The following GRIN2B variants were observed in gnomAD, a reference collection of about 807,000 sequenced individuals.
GRIN2B encodes the protein glutamate receptor ionotropic, NMDA 2B.
In GRIN2B, 5 loss-of-function variants were observed where a neutral mutation model predicts 114.5. That is an observed-to-expected ratio of 0.04 (90% CI 0.02 to 0.09). The LOEUF is 0.09. Among genes scored for constraint, GRIN2B ranks in the 10% least tolerant of loss-of-function variants. GRIN2B has a pLI of 1.00. For synonymous variants in GRIN2B, 787 were observed against 745.1 expected (o/e 1.06, Z -0.92); for missense variants, 1,108 against 1,943.5 (o/e 0.57, Z 8.08).
At chr12:13,613,868 T>C (rs1949398152) in intron 8 of GRIN2B, among the ~76,000 whole-genome samples, 1 of 152,148 alleles carries the variant, frequency 6.6e-6, no homozygotes, top group Non-Finnish European at 1.5e-5. Flanking sequence ...AAACACACCC[T>C]GCCTGACATT....
At chr12:13,647,841 T>C (rs1949775900) in intron 5 of GRIN2B, among the ~76,000 whole-genome samples, 1 of 152,100 alleles carries the variant, frequency 6.6e-6, no homozygotes, top group South Asian at 2.1e-4. Flanking sequence ...CTAGGGCCTA[T>C]GAATAAGGTT....
intron 2 of GRIN2B, among the ~76,000 whole-genome samples, chr12:13,976,669 T>C (rs954048196): frequency 2.0e-5 from 3 of 152,188 alleles, no homozygotes; most frequent in Admixed American, 1.3e-4. Flanking sequence ...TCTCCTTTTA[T>C]AGTCCATCAA....
chr12:13,656,431 T>G (rs1949864488), intron 5 of GRIN2B, among the ~76,000 whole-genome samples: 1 of 152,220 alleles, frequency 6.6e-6, no homozygotes, highest in Admixed American at 6.5e-5. Context: ...CAGTTCAGCC[T>G]GACTCGAATC....
intron 2 of GRIN2B, among the ~76,000 whole-genome samples, chr12:13,961,861 AG>A (rs1159292885): frequency 1.3e-5 from 2 of 152,132 alleles, no homozygotes; most frequent in African/African-American, 4.8e-5. Context: ...AGCACGGCTC[AG>A]GCACATATGA....
intron 10 of GRIN2B, among the ~76,000 whole-genome samples, chr12:13,574,501 C>T (rs984813629): frequency 6.6e-6 from 1 of 152,104 alleles, no homozygotes; most frequent in African/African-American, 2.4e-5. Context: ...GCAATCATGT[C>T]CAATACAATT....
chr12:13,774,261 T>G (rs902270820), intron 3 of GRIN2B, among the ~76,000 whole-genome samples: 5 of 152,208 alleles, frequency 3.3e-5, no homozygotes, highest in African/African-American at 1.2e-4. Flanking sequence ...AAGATAAAGA[T>G]AGAACCACTT....
chr12:13,745,748 C>T (rs142785741), intron 4 of GRIN2B, among the ~76,000 whole-genome samples: 2,542 of 152,316 alleles, frequency 0.017, 43 homozygotes, highest in Middle Eastern at 0.048. Flanking sequence ...TTCTTTAAAG[C>T]TTCCTTAATG....
At chr12:13,850,499 C>T (rs919482222) in intron 3 of GRIN2B, among the ~76,000 whole-genome samples, 1 of 152,152 alleles carries the variant, frequency 6.6e-6, no homozygotes, top group East Asian at 1.9e-4. Flanking sequence ...CTCCCAGGCC[C>T]CATCAGACTG....
intron 4 of GRIN2B, among the ~76,000 whole-genome samples, chr12:13,728,010 A>G (rs1160044189): frequency 2.0e-5 from 3 of 152,162 alleles, no homozygotes; most frequent in Non-Finnish European, 4.4e-5. Context: ...TGTAAAACTG[A>G]TCACATGTGG....
Position 13,616,663 on chromosome 12 carries a change from CA to C in GRIN2B, c.1126-7del, listed in dbSNP as rs774388082. The C allele has an allele frequency of 8.7e-6, 14 of 1,606,648 alleles. No homozygotes were observed. The African/African-American group carries it at 1.9e-4, about 22-fold the overall frequency. On this transcript the variant is annotated splice_polypyrimidine_tract_variant and splice_region_variant and intron_variant, in intron 5 of 13. Coordinates refer to ENST00000609686, the MANE Select transcript of GRIN2B (RefSeq NM_000834.5). ...TTGTCTTTCCACTTCCCCACCTGCA[CA>C]AGGATGAACACAAGAATCAGAAACC...
intron 3 of GRIN2B, among the ~76,000 whole-genome samples, chr12:13,835,656 C>A (rs1347626770): frequency 2.6e-5 from 4 of 151,410 alleles, no homozygotes; most frequent in Admixed American, 6.6e-5. Context: ...CCCCCTTTAG[C>A]CTTCAGACCT....
intron 4 of GRIN2B, among the ~76,000 whole-genome samples, chr12:13,725,341 G>A (rs1412248858): frequency 6.6e-6 from 1 of 152,086 alleles, no homozygotes; most frequent in African/African-American, 2.4e-5. Flanking sequence ...CAGGTAAGAG[G>A]GAAGAGGAGG....
At chr12:13,618,990 A>AAT (rs1479326119) in intron 5 of GRIN2B, among the ~76,000 whole-genome samples, 2 of 151,830 alleles carry the variant, frequency 1.3e-5, no homozygotes, top group East Asian at 3.9e-4. Flanking sequence ...AAAAAGGAAA[A>AAT]AAAAGAGATT....
intron 3 of GRIN2B, among the ~76,000 whole-genome samples, chr12:13,784,159 G>T (rs1311008189): frequency 1.4e-5 from 2 of 147,680 alleles, no homozygotes; most frequent in Non-Finnish European, 3.0e-5. Flanking sequence ...GGGAGGCGGA[G>T]CTTGCAGTGA....
At position 13,932,988 on chromosome 12, in the gene GRIN2B, C is replaced by T. The variant is rs4763359; in HGVS notation, c.-19+46940G>A. On this transcript the variant is annotated intron_variant, in intron 2 of 13. Coordinates refer to ENST00000609686, the MANE Select transcript of GRIN2B (RefSeq NM_000834.5). Reference sequence around the variant, plus strand: ...GTGTGTGTGTGTGTGTGTGTGTGTGCGTGTGCGTGTGTGTGTGTTTGTGTG... The same window carrying T: ...GTGTGTGTGTGTGTGTGTGTGTGTGTGTGTGCGTGTGTGTGTGTTTGTGTG... Among the ~76,000 whole-genome samples, 518 of 91,084 alleles carry T rather than the reference C, an allele frequency of 5.7e-3. 3 individuals are homozygous for T. The highest frequency in any genetic ancestry group is 0.019 in the African/African-American group (489 of 25,538). 59.8% of individuals were successfully genotyped at this position (91,084 alleles called of 152,430 possible). A position where few individuals can be genotyped will look rare whatever the true frequency, so the allele number is the denominator to read the frequency against.
At chr12:13,948,823 T>C (rs1591636694) in intron 2 of GRIN2B, among the ~76,000 whole-genome samples, 1 of 152,214 alleles carries the variant, frequency 6.6e-6, no homozygotes, top group East Asian at 1.9e-4. Context: ...TAATGGGAAT[T>C]CCATGGACAG....
At chr12:13,759,402 GA>G (rs1863638733) in intron 3 of GRIN2B, among the ~76,000 whole-genome samples, 1 of 152,188 alleles carries the variant, frequency 6.6e-6, no homozygotes, top group Non-Finnish European at 1.5e-5. Context: ...TACAAAATGT[GA>G]GGGGATCCCT....
At chr12:13,760,814 A>G (rs1050602043) in intron 3 of GRIN2B, among the ~76,000 whole-genome samples, 1 of 152,228 alleles carries the variant, frequency 6.6e-6, no homozygotes, top group Non-Finnish European at 1.5e-5. Flanking sequence ...TCCTCCCAAA[A>G]TAAGGGGAAA....
chr12:13,931,122 C>G (rs551038188), intron 2 of GRIN2B, among the ~76,000 whole-genome samples: 1 of 152,072 alleles, frequency 6.6e-6, no homozygotes, highest in Non-Finnish European at 1.5e-5. Flanking sequence ...GTGGTTTGAA[C>G]AGAAAAAATA....
Sources: allele counts gnomAD v4.1 joint callset (sites outside exome capture counted in the v4.1 genomes callset), GRCh38; gene constraint gnomAD v4.1.1; transcripts MANE v1.5; gene names NCBI Gene and HGNC (gene_info 2026-07-23, HGNC 2026-07-21).